DCBLD2: variants seen among roughly 807,000 people sequenced by gnomAD.
DCBLD2 encodes the protein discoidin, CUB and LCCL domain-containing protein 2.
In DCBLD2, 54 loss-of-function variants were observed where a neutral mutation model predicts 86.8. The observed-to-expected ratio is 0.62, with a 90% confidence interval of 0.50 to 0.78. DCBLD2 has a LOEUF of 0.78. DCBLD2 is among the 30% of genes least tolerant of loss of function. The pLI is 0.00. For missense variants in DCBLD2, 908 were observed against 954.2 expected, an observed-to-expected ratio of 0.95 and a Z score of 0.64; for synonymous variants, 354 against 341.3, an observed-to-expected ratio of 1.04 and a Z score of -0.41.
intron 2 of DCBLD2, among the ~76,000 whole-genome samples, chr3:98,862,746 A>G (rs1943067541): frequency 1.3e-5 from 2 of 152,210 alleles, no homozygotes; most frequent in South Asian, 4.1e-4. Context: ...TATTTATGAC[A>G]AACCCACAGC....
At chr3:98,865,848 AT>A (rs1478326413) in intron 2 of DCBLD2, among the ~76,000 whole-genome samples, 26 of 140,784 alleles carry the variant, frequency 1.8e-4, no homozygotes, top group Admixed American at 1.1e-3. Flanking sequence ...TCCTAATGCT[AT>A]CCCTCCTCCC....
At chr3:98,815,896 G>A (rs1006804055) in intron 9 of DCBLD2, 1 of 151,462 alleles carries the variant, frequency 6.6e-6, no homozygotes, top group Non-Finnish European at 1.5e-5. Context: ...GAGCATTGGT[G>A]AATGGTAAGA....
At chr3:98,819,561 G>C (rs1012945898) in intron 7 of DCBLD2, 144 bp from the exon 8 acceptor site, 5 of 811,678 alleles carry the variant, frequency 6.2e-6, no homozygotes, top group Admixed American at 5.4e-5. Context: ...TTCAAAACTA[G>C]GCAAGTGTTT....
intron 2 of DCBLD2, among the ~76,000 whole-genome samples, chr3:98,876,993 G>A (rs535970480): frequency 1.4e-4 from 22 of 152,192 alleles, no homozygotes; most frequent in African/African-American, 4.6e-4. Context: ...AAAGAAGTAC[G>A]GAAAAGATAA....
At chr3:98,835,668 G>A (rs1378910020) in intron 3 of DCBLD2, among the ~76,000 whole-genome samples, 1 of 146,880 alleles carries the variant, frequency 6.8e-6, no homozygotes, top group Non-Finnish European at 1.5e-5. Context: ...TCTCGTCTTA[G>A]CCTCCCGAGT....
intron 3 of DCBLD2, among the ~76,000 whole-genome samples, chr3:98,844,175 C>T (rs1328367341): frequency 1.3e-5 from 2 of 151,910 alleles, no homozygotes; most frequent in Non-Finnish European, 2.9e-5. Flanking sequence ...TTAAAAAATT[C>T]GTCACCCAGA....
intron 14 of DCBLD2, chr3:98,801,213 T>C: frequency 4.1e-6 from 1 of 244,964 alleles, no homozygotes; most frequent in Non-Finnish European, 7.8e-6. Context: ...ACTGCTGGAC[T>C]CCACTTGGTG....
chr3:98,812,184 T>A, intron 10 of DCBLD2, 148 bp downstream of exon 10: 1 of 1,043,880 alleles, frequency 9.6e-7, no homozygotes, highest in Non-Finnish European at 1.3e-6. Context: ...AGGGTAACCA[T>A]TTTTTTTAAC....
chr3:98,875,025 C>T (rs1459301855), intron 2 of DCBLD2, among the ~76,000 whole-genome samples: 2 of 152,158 alleles, frequency 1.3e-5, no homozygotes, highest in Non-Finnish European at 2.9e-5. Context: ...CTCACTCTCT[C>T]CACTACTGTT....
chr3:98,823,627 T>G (rs2107450385), intron 4 of DCBLD2, among the ~76,000 whole-genome samples: 2 of 41,464 alleles, frequency 4.8e-5, no homozygotes, highest in South Asian at 3.0e-3. Flanking sequence ...AATAATTGAT[T>G]TTGATTCTGC....
chr3:98,831,298 C>A (rs1252603064), intron 3 of DCBLD2, among the ~76,000 whole-genome samples: 1 of 151,948 alleles, frequency 6.6e-6, no homozygotes, highest in East Asian at 1.9e-4. Context: ...GTGATCCACC[C>A]ACCTTGGCCT....
At chr3:98,850,848 C>G (rs1253682900) in intron 2 of DCBLD2, among the ~76,000 whole-genome samples, 2 of 152,138 alleles carry the variant, frequency 1.3e-5, no homozygotes, top group Non-Finnish European at 2.9e-5. Context: ...CTAGTGCAAT[C>G]TGAAATGAAA....
chr3:98,797,581 G>A lies in DCBLD2; in HGVS notation c.*1791C>T, dbSNP rs1941634545. 6.6e-6 allele frequency: 1 copy of A among 152,182 alleles called. No homozygotes were observed. Among genetic ancestry groups the A allele is most frequent in the Admixed American group, 6.6e-5 (1 of 15,252 alleles). The allele number at this position is 152,182 out of a possible 1,614,324, so 9.4% of individuals were successfully genotyped here. ...TAAAAGTCTACCATCTATGTCTTTT[G>A]TTTCAAACATTTTGAAACAAAATAT... On this transcript the variant is annotated 3_prime_UTR_variant, in exon 16 of 16. Coordinates refer to ENST00000326840, the MANE Select transcript of DCBLD2 (RefSeq NM_080927.4).
rs1436313901 is a variant in DCBLD2 at position 98,796,533 on chromosome 3, T to A, written c.*2839A>T. ...CATTCATATTTAGATAAGCTCGGAC[T>A]CTGCTCCCCTCTTCTGGAGATGGGG... On this transcript the variant is annotated 3_prime_UTR_variant, in exon 16 of 16. Transcript: ENST00000326840. 2 of 152,634 alleles carry A rather than the reference T, an allele frequency of 1.3e-5. No homozygotes were observed. The highest frequency in any genetic ancestry group is 1.3e-4 in the Admixed American group (2 of 15,280). 9.5% of individuals were successfully genotyped at this position (152,634 alleles called of 1,614,324 possible).
chr3:98,865,007 G>A (rs1345122867), intron 2 of DCBLD2, among the ~76,000 whole-genome samples: 1 of 151,968 alleles, frequency 6.6e-6, no homozygotes, highest in Non-Finnish European at 1.5e-5. Flanking sequence ...CTACACTATT[G>A]GTGGGAATCT....
At chr3:98,822,133 G>T in intron 6 of DCBLD2, 95 bp downstream of exon 6, 1 of 1,396,118 alleles carries the variant, frequency 7.2e-7, no homozygotes, top group Non-Finnish European at 1.0e-6. Flanking sequence ...ACCATTAACA[G>T]TGATACTGCT....
At position 98,896,209 on chromosome 3, in the gene DCBLD2, G is replaced by C. The variant is rs560382037; in HGVS notation, c.205+4913C>G. On this transcript the variant is annotated intron_variant, in intron 1 of 15. Coordinates refer to ENST00000326840, the MANE Select transcript of DCBLD2 (RefSeq NM_080927.4). ...ATGAGTATCTCATCAGCTTCAGTGG[G>C]TACTGCACTGGCACTCATTAGATAC... Among the ~76,000 whole-genome samples the C allele has an allele frequency of 4.6e-5, 7 of 152,310 alleles. No homozygotes were observed. The South Asian group carries it at 1.4e-3, about 32-fold the overall frequency.
At chr3:98,873,671 A>G (rs1177976041) in intron 2 of DCBLD2, among the ~76,000 whole-genome samples, 1 of 152,124 alleles carries the variant, frequency 6.6e-6, no homozygotes, top group Non-Finnish European at 1.5e-5. Flanking sequence ...AATAAAAATG[A>G]AAGAAAAAGT....
Position 98,825,357 on chromosome 3 carries a change from G to A in DCBLD2, c.581C>T (p.Thr194Ile). ...AAAATTGGATGCAGTGTCCAAACAA[G>A]TAATTAGATCTAGAAAAACAAAAAT... ...YSVIDKQDLI[T>I]CLDTASNFLE... The change falls in exon 4 of 16, where the codon ACT becomes ATT. Residue 194 changes from threonine (T) to isoleucine (I), a missense_variant. This residue lies in a region of DCBLD2 where 294 missense variants were observed against 256.0 expected (regional missense o/e 1.15). Transcript: ENST00000326840. 6.5e-7 allele frequency: 1 copy of A among 1,547,934 alleles called. No individual in the cohort carries two copies. Among genetic ancestry groups the A allele is most frequent in the Non-Finnish European group, 8.7e-7 (1 of 1,153,396 alleles).
Sources: gnomAD v4.1 joint callset for allele counts (sites outside exome capture counted in the v4.1 genomes callset) on GRCh38, gnomAD v4.1.1 for gene constraint, gnomAD v4.1.1 regional missense constraint, MANE v1.5 for transcripts, NCBI Gene and HGNC (gene_info 2026-07-23, HGNC 2026-07-21) for gene names.